Variants in CSRNP3 observed in about 807,000 individuals in gnomAD.
CSRNP3 encodes cysteine and serine rich nuclear protein 3, also known as cysteine/serine-rich nuclear protein 3.
CSRNP3 carries 12 observed loss-of-function variants against 48.0 expected under a neutral mutation model. That is an observed-to-expected ratio of 0.25 (90% CI 0.16 to 0.41). The LOEUF is 0.41. Among genes scored for constraint, CSRNP3 ranks in the 10% least tolerant of loss-of-function variants. The pLI is 1.00. For missense variants in CSRNP3, 580 were observed against 724.4 expected, an observed-to-expected ratio of 0.80 and a Z score of 2.29; for synonymous variants, 263 against 269.7, an observed-to-expected ratio of 0.98 and a Z score of 0.24.
At chr2:165,650,724 G>A (rs1488395681) in intron 4 of CSRNP3, among the ~76,000 whole-genome samples, 1 of 152,024 alleles carries the variant, frequency 6.6e-6, no homozygotes, top group African/African-American at 2.4e-5. Flanking sequence ...ATTGCCCAGG[G>A]CTTACCAAGA....
intron 3 of CSRNP3, among the ~76,000 whole-genome samples, chr2:165,577,512 AAATATAG>A (rs1685471934): frequency 6.6e-6 from 1 of 151,876 alleles, no homozygotes; most frequent in South Asian, 2.1e-4. Context: ...CATGAAACAA[AAATATAG>A]TACACATCAT....
At chr2:165,485,978 C>T (rs1684107335) in intron 1 of CSRNP3, among the ~76,000 whole-genome samples, 1 of 152,160 alleles carries the variant, frequency 6.6e-6, no homozygotes, top group South Asian at 2.1e-4. Flanking sequence ...TGGTCTACAG[C>T]TCCCAGCGTG....
Position 165,679,918 on chromosome 2 carries a change from C to CTAGAA in CSRNP3, c.*165_*166insTAGAA. Reference sequence around the variant, plus strand: ...TTCCTTTCTAGCCACATGACTGTGGCATTGCACAAATACAGTCTCTGTAGG... The same window carrying CTAGAA: ...TTCCTTTCTAGCCACATGACTGTGGCTAGAAATTGCACAAATACAGTCTCTGTAGG... On this transcript the variant is annotated 3_prime_UTR_variant, in exon 7 of 7. Transcript: ENST00000651982. 2 of 924,260 alleles carry CTAGAA rather than the reference C, an allele frequency of 2.2e-6. No homozygotes were observed. Among genetic ancestry groups the CTAGAA allele is most frequent in the Non-Finnish European group, 3.2e-6 (2 of 616,114 alleles). The allele number at this position is 924,260 out of a possible 1,614,324, so 57.3% of individuals were successfully genotyped here. A position where few individuals can be genotyped will look rare whatever the true frequency, so the allele number is the denominator to read the frequency against.
intron 5 of CSRNP3, among the ~76,000 whole-genome samples, chr2:165,672,909 TC>T (rs1294083732): frequency 6.6e-6 from 1 of 151,994 alleles, no homozygotes; most frequent in African/African-American, 2.4e-5. Context: ...TAGGAATATG[TC>T]TCGAAGGCTA....
At chr2:165,556,121 C>T (rs572330078) in intron 3 of CSRNP3, among the ~76,000 whole-genome samples, 16 of 151,976 alleles carry the variant, frequency 1.1e-4, no homozygotes, top group African/African-American at 4.8e-5. Flanking sequence ...GCTGAAGGTG[C>T]GGAACTGAGA....
chr2:165,555,069 C>A (rs1300727095), intron 3 of CSRNP3, among the ~76,000 whole-genome samples: 3 of 152,122 alleles, frequency 2.0e-5, no homozygotes, highest in East Asian at 1.9e-4. Context: ...GGCTTACCTC[C>A]TCACCTCCTT....
At chr2:165,591,392 A>G (rs577111888) in intron 3 of CSRNP3, among the ~76,000 whole-genome samples, 1 of 152,292 alleles carries the variant, frequency 6.6e-6, no homozygotes, top group African/African-American at 2.4e-5. Context: ...AGAAAAACCC[A>G]TTTACTGGGG....
intron 1 of CSRNP3, among the ~76,000 whole-genome samples, chr2:165,494,511 A>G (rs940184246): frequency 2.6e-5 from 4 of 152,126 alleles, no homozygotes; most frequent in Non-Finnish European, 5.9e-5. Flanking sequence ...CTCCTTATGC[A>G]GCAAATATAT....
chr2:165,532,757 AG>A (rs2105245135), intron 3 of CSRNP3, among the ~76,000 whole-genome samples: 1 of 152,296 alleles, frequency 6.6e-6, no homozygotes, highest in East Asian at 1.9e-4. Context: ...TTAGGAAAAG[AG>A]GAAGTCAAAT....
At chr2:165,545,565 T>C (rs1339248505) in intron 3 of CSRNP3, among the ~76,000 whole-genome samples, 1 of 152,068 alleles carries the variant, frequency 6.6e-6, no homozygotes. Flanking sequence ...ATGGAAAATA[T>C]GTAGAGAGGT....
chr2:165,517,493 C>A (rs1684597197), intron 2 of CSRNP3, among the ~76,000 whole-genome samples: 1 of 151,796 alleles, frequency 6.6e-6, no homozygotes, highest in Non-Finnish European at 1.5e-5. Context: ...TGGTTGATTT[C>A]CCTGGATTTT....
At chr2:165,628,673 G>A (rs528555341) in intron 4 of CSRNP3, among the ~76,000 whole-genome samples, 144 of 152,190 alleles carry the variant, frequency 9.5e-4, no homozygotes, top group African/African-American at 2.6e-3. Flanking sequence ...GCAGTGAGGC[G>A]AGATGGCGCC....
chr2:165,675,597 G>A (rs2105362828), intron 5 of CSRNP3, among the ~76,000 whole-genome samples: 1 of 152,290 alleles, frequency 6.6e-6, no homozygotes, highest in African/African-American at 2.4e-5. Flanking sequence ...CTATTATGCA[G>A]AAGGTACCAT....
At chr2:165,512,790 C>G (rs1362707040) in intron 2 of CSRNP3, among the ~76,000 whole-genome samples, 2 of 152,144 alleles carry the variant, frequency 1.3e-5, no homozygotes, top group Non-Finnish European at 2.9e-5. Context: ...ATATGACTGT[C>G]AGTGAAGTTT....
At chr2:165,617,244 A>G (rs1686261793) in intron 4 of CSRNP3, among the ~76,000 whole-genome samples, 1 of 152,082 alleles carries the variant, frequency 6.6e-6, no homozygotes, top group Admixed American at 6.5e-5. Context: ...TTTCTGTATC[A>G]TTACATGATA....
chr2:165,492,350 A>G (rs1684224008), intron 1 of CSRNP3, among the ~76,000 whole-genome samples: 1 of 152,132 alleles, frequency 6.6e-6, no homozygotes, highest in Admixed American at 6.6e-5. Context: ...TTAGAGAAAT[A>G]GCCAAAGTCC....
At chr2:165,599,068 C>G (rs1232113700) in intron 4 of CSRNP3, among the ~76,000 whole-genome samples, 1 of 151,364 alleles carries the variant, frequency 6.6e-6, no homozygotes, top group Non-Finnish European at 1.5e-5. Context: ...ATCCCCATCT[C>G]TAAAAAAATT....
intron 3 of CSRNP3, among the ~76,000 whole-genome samples, 184 bp downstream of exon 3, chr2:165,518,145 G>A (rs939390266): frequency 6.6e-6 from 1 of 151,796 alleles, no homozygotes; most frequent in African/African-American, 2.4e-5. Flanking sequence ...AGTTTCATTA[G>A]GGACAATAAA....
At chr2:165,478,098 C>T (rs1010245636) in intron 1 of CSRNP3, among the ~76,000 whole-genome samples, 2 of 152,048 alleles carry the variant, frequency 1.3e-5, no homozygotes, top group Admixed American at 6.6e-5. Flanking sequence ...ATTATTAGAC[C>T]TACTTCATCA....
Sources: gnomAD v4.1 joint callset for allele counts (sites outside exome capture counted in the v4.1 genomes callset) on GRCh38, gnomAD v4.1.1 for gene constraint, MANE v1.5 for transcripts, NCBI Gene and HGNC (gene_info 2026-07-23, HGNC 2026-07-21) for gene names.